The following RIT2 variants were observed in gnomAD, a reference collection of about 807,000 sequenced individuals.
RIT2 encodes GTP-binding protein Rit2.
A neutral mutation model predicts 23.7 loss-of-function variants in RIT2; 24 were observed. The observed-to-expected ratio is 1.01, with a 90% CI of 0.73 to 1.43. The LOEUF (loss-of-function observed/expected upper bound fraction) is 1.43. RIT2 is among the 40% of genes most tolerant of loss of function. The pLI, the probability that RIT2 is intolerant of heterozygous loss-of-function variation, is 0.00. For missense variants in RIT2, 236 were observed against 266.9 expected, an observed-to-expected ratio of 0.88 and a Z score of 0.81; for synonymous variants, 107 against 91.1, an observed-to-expected ratio of 1.17 and a Z score of -0.99.
At chr18:42,971,035 C>T (rs561715522) in intron 3 of RIT2, among the ~76,000 whole-genome samples, 2 of 152,070 alleles carry the variant, frequency 1.3e-5, no homozygotes, top group South Asian at 2.1e-4. Context: ...AAAACACCCA[C>T]TTTACTTCTT....
chr18:42,981,084 G>A (rs1002073383), intron 2 of RIT2, among the ~76,000 whole-genome samples: 2 of 152,074 alleles, frequency 1.3e-5, no homozygotes, highest in South Asian at 2.1e-4. Flanking sequence ...ACTAGGTCAC[G>A]GTCACTGATG....
At chr18:42,879,297 A>G (rs1218770641) in intron 4 of RIT2, among the ~76,000 whole-genome samples, 1 of 152,202 alleles carries the variant, frequency 6.6e-6, no homozygotes, top group Non-Finnish European at 1.5e-5. Context: ...AACAGAGAAT[A>G]TCTTCCAAAA....
intron 3 of RIT2, among the ~76,000 whole-genome samples, chr18:42,952,007 T>C (rs1819163176): frequency 2.0e-5 from 3 of 152,240 alleles, no homozygotes; most frequent in Admixed American, 2.0e-4. Context: ...ATTCCCTCTT[T>C]ATAAAACCAT....
intron 1 of RIT2, among the ~76,000 whole-genome samples, chr18:43,059,187 G>A (rs1324826321): frequency 1.3e-5 from 2 of 152,034 alleles, no homozygotes; most frequent in Non-Finnish European, 2.9e-5. Context: ...GACATACAAT[G>A]TGCAAGTCTT....
chr18:42,912,871 T>C (rs992514413), intron 4 of RIT2, among the ~76,000 whole-genome samples: 3 of 151,982 alleles, frequency 2.0e-5, no homozygotes, highest in African/African-American at 4.8e-5. Flanking sequence ...TTAATTTCTT[T>C]CAAAATGTCA....
intron 1 of RIT2, among the ~76,000 whole-genome samples, chr18:43,050,286 C>T (rs138086996): frequency 6.4e-4 from 97 of 152,050 alleles, no homozygotes; most frequent in Non-Finnish European, 6.3e-4. Context: ...CTGCCTTGGC[C>T]TCCCAAAGCA....
intron 4 of RIT2, among the ~76,000 whole-genome samples, chr18:42,863,263 C>T (rs1907378207): frequency 1.3e-5 from 2 of 152,102 alleles, no homozygotes; most frequent in African/African-American, 4.8e-5. Context: ...GCAGAGTCTT[C>T]CTTTTGTTGG....
At chr18:43,071,573 T>C (rs565447830) in intron 1 of RIT2, among the ~76,000 whole-genome samples, 1 of 152,326 alleles carries the variant, frequency 6.6e-6, no homozygotes, top group African/African-American at 2.4e-5. Context: ...ATGTGCCTTT[T>C]GAATCATCTT....
intron 4 of RIT2, among the ~76,000 whole-genome samples, chr18:42,763,793 T>C (rs1173945422): frequency 1.4e-4 from 22 of 152,350 alleles, no homozygotes; most frequent in Admixed American, 1.4e-3. Flanking sequence ...ATATTTTCTT[T>C]TCTTCTATTT....
At chr18:43,068,483 A>G (rs555737111) in intron 1 of RIT2, among the ~76,000 whole-genome samples, 8 of 152,246 alleles carry the variant, frequency 5.3e-5, no homozygotes, top group South Asian at 4.1e-4. Context: ...TTATCATTTT[A>G]TTGGAAAATG....
Position 43,074,574 on chromosome 18 carries a change from C to G in RIT2, c.104-40707G>C, listed in dbSNP as rs1379397637. ...CCCCTTATTTTTGTATGCCTTATGA[C>G]TTTTTTTAAGATACATGTACATATA... On this transcript the variant is annotated intron_variant, in intron 1 of 4. Coordinates refer to ENST00000326695, the MANE Select transcript of RIT2 (RefSeq NM_002930.4). Among the ~76,000 whole-genome samples the G allele has an allele frequency of 2.6e-5, 4 of 152,176 alleles. No homozygotes were observed. In the East Asian group the frequency reaches 7.7e-4, roughly 29 times the overall value.
chr18:42,862,897 T>G (rs1907365704), intron 4 of RIT2, among the ~76,000 whole-genome samples: 1 of 152,190 alleles, frequency 6.6e-6, no homozygotes, highest in South Asian at 2.1e-4. Flanking sequence ...ATCTCCTAAC[T>G]TTTTATATTT....
intron 4 of RIT2, among the ~76,000 whole-genome samples, chr18:42,871,616 A>G (rs917507820): frequency 8.5e-5 from 13 of 152,186 alleles, no homozygotes; most frequent in African/African-American, 3.1e-4. Flanking sequence ...CTTAAAAGCC[A>G]AGAAATAAGA....
chr18:42,919,592 T>C (rs1402903077), intron 4 of RIT2, among the ~76,000 whole-genome samples: 1 of 152,002 alleles, frequency 6.6e-6, no homozygotes, highest in Non-Finnish European at 1.5e-5. Context: ...TGGGCACCTG[T>C]AATCCCAGCT....
chr18:42,921,656 C>T (rs1345511339), intron 4 of RIT2, among the ~76,000 whole-genome samples: 3 of 152,016 alleles, frequency 2.0e-5, no homozygotes, highest in Admixed American at 2.0e-4. Context: ...GATTTTTGGC[C>T]TGAAAAAATG....
At chr18:43,093,717 T>G (rs779912737) in intron 1 of RIT2, among the ~76,000 whole-genome samples, 86 of 152,066 alleles carry the variant, frequency 5.7e-4, no homozygotes, top group Non-Finnish European at 9.0e-4. Context: ...ATTCCAGCAT[T>G]TTGGTTGCTG....
intron 4 of RIT2, among the ~76,000 whole-genome samples, chr18:42,866,680 C>G (rs916931642): frequency 1.2e-4 from 18 of 151,006 alleles, no homozygotes; most frequent in African/African-American, 4.1e-4. Flanking sequence ...CCTAGGGTCA[C>G]TCTTTTCTTT....
intron 2 of RIT2, among the ~76,000 whole-genome samples, chr18:42,987,187 C>T (rs78197950): frequency 0.027 from 4,087 of 152,102 alleles, 171 homozygotes; most frequent in African/African-American, 0.089. Flanking sequence ...TGTGTGCGTA[C>T]GTATACACAC....
intron 4 of RIT2, among the ~76,000 whole-genome samples, chr18:42,759,231 T>C (rs1416549974): frequency 6.6e-6 from 1 of 152,148 alleles, no homozygotes; most frequent in African/African-American, 2.4e-5. Flanking sequence ...TTAATGACTG[T>C]CTAGTTTCTG....
Sources: gnomAD v4.1 joint callset for allele counts (sites outside exome capture counted in the v4.1 genomes callset) on GRCh38, gnomAD v4.1.1 for gene constraint, MANE v1.5 for transcripts, NCBI Gene and HGNC (gene_info 2026-07-23, HGNC 2026-07-21) for gene names.